Variants in SLC25A48 observed in about 807,000 individuals in gnomAD.
The protein encoded by SLC25A48 is CTC-321K16.1.
In SLC25A48, 29 loss-of-function variants were observed where a neutral mutation model predicts 32.2. That is an observed-to-expected ratio of 0.90 (90% confidence interval 0.67 to 1.23). The LOEUF (loss-of-function observed/expected upper bound fraction) is 1.23. SLC25A48 is among the 50% of genes most tolerant of loss of function. The pLI is 0.00. For synonymous variants in SLC25A48, 164 were observed against 172.3 expected (o/e 0.95, Z 0.38); for missense variants, 399 against 422.7 (o/e 0.94, Z 0.49).
At chr5:135,600,515 C>A (rs1751770140) in intron 1 of SLC25A48, among the ~76,000 whole-genome samples, 1 of 152,184 alleles carries the variant, frequency 6.6e-6, no homozygotes, top group African/African-American at 2.4e-5. Context: ...GACTAACCTT[C>A]CTCGGGCTCC....
At chr5:135,784,183 T>C (rs1756783993) in intron 3 of SLC25A48, among the ~76,000 whole-genome samples, 1 of 115,476 alleles carries the variant, frequency 8.7e-6, no homozygotes, top group Non-Finnish European at 2.1e-5. Context: ...AATATTGCAA[T>C]AAGCGTACAC....
chr5:135,872,563 A>T (rs1761738670), intron 5 of SLC25A48: 1 of 152,276 alleles, frequency 6.6e-6, no homozygotes, highest in African/African-American at 2.4e-5. Flanking sequence ...AGTGGGATAA[A>T]GAAAGAATGG....
intron 4 of SLC25A48, among the ~76,000 whole-genome samples, chr5:135,825,314 G>A: frequency 6.6e-6 from 1 of 152,286 alleles, no homozygotes; most frequent in East Asian, 1.9e-4. Context: ...TTGGCCAAGG[G>A]CACATAGCTA....
chr5:135,864,268 G>A (rs929621408), intron 4 of SLC25A48, among the ~76,000 whole-genome samples: 20 of 152,148 alleles, frequency 1.3e-4, no homozygotes, highest in African/African-American at 4.8e-4. Context: ...TACCTCTGAG[G>A]CCCTGAGTGC....
Position 135,871,479 on chromosome 5 carries a change from C to T in SLC25A48, c.440C>T (p.Ser147Phe), listed in dbSNP as rs914709129. ...PFRDANLGLK[S>F]RAVAPAEQPA... ...TTTGCAGCCAACCTCGGTTTGAAGT[C>T]CAGGGCAGTGGCTCCTGCGGAGCAG... Residue 147 changes from serine (S) to phenylalanine (F), a missense_variant, in exon 5 of 8, where the codon TCC becomes TTC. By Grantham distance (155) the Ser-to-Phe change is radical. Transcript: ENST00000681962. 8 of 1,597,656 alleles carry T rather than the reference C, an allele frequency of 5.0e-6. No individual in the cohort carries two copies. Among genetic ancestry groups the T allele is most frequent in the Admixed American group, 3.4e-5 (2 of 59,420 alleles).
chr5:135,880,668 C>A (rs1257964462), intron 7 of SLC25A48, among the ~76,000 whole-genome samples: 1 of 152,120 alleles, frequency 6.6e-6, no homozygotes, highest in Non-Finnish European at 1.5e-5. Context: ...GCTCACATGC[C>A]CTCCTTGGCT....
At chr5:135,739,983 C>T (rs1357378840) in intron 3 of SLC25A48, among the ~76,000 whole-genome samples, 1 of 152,042 alleles carries the variant, frequency 6.6e-6, no homozygotes, top group African/African-American at 2.4e-5. Context: ...AGATGAAAGC[C>T]CATCCCCAGT....
At chr5:135,600,013 C>G (rs112767315) in intron 1 of SLC25A48, among the ~76,000 whole-genome samples, 8 of 152,194 alleles carry the variant, frequency 5.3e-5, no homozygotes, top group Non-Finnish European at 4.4e-5. Flanking sequence ...ATACTCCCCC[C>G]TCCCTTGGCC....
At chr5:135,800,490 G>A (rs1757293699) in intron 3 of SLC25A48, among the ~76,000 whole-genome samples, 1 of 151,768 alleles carries the variant, frequency 6.6e-6, no homozygotes, top group Admixed American at 6.6e-5. Flanking sequence ...GGGGAAGAGA[G>A]GATGACATGA....
intron 2 of SLC25A48, among the ~76,000 whole-genome samples, chr5:135,843,076 G>T (rs554898196): frequency 1.3e-5 from 2 of 152,314 alleles, no homozygotes; most frequent in South Asian, 2.1e-4. Flanking sequence ...GTATGAAAAT[G>T]GACCCTCTCC....
intron 3 of SLC25A48, among the ~76,000 whole-genome samples, chr5:135,776,045 G>A (rs1014808563): frequency 6.6e-6 from 1 of 151,712 alleles, no homozygotes; most frequent in Admixed American, 6.6e-5. Context: ...ATATCAAGAA[G>A]AGGAAAGAAG....
At chr5:135,865,825 C>T (rs139697795) in intron 4 of SLC25A48, among the ~76,000 whole-genome samples, 7 of 152,186 alleles carry the variant, frequency 4.6e-5, no homozygotes, top group Non-Finnish European at 7.3e-5. Flanking sequence ...ACCCATCGAA[C>T]AGCAGCTGTA....
chr5:135,791,629 T>C (rs1332396854), intron 3 of SLC25A48, among the ~76,000 whole-genome samples: 1 of 151,712 alleles, frequency 6.6e-6, no homozygotes, highest in African/African-American at 2.4e-5. Flanking sequence ...TTACTCCTAA[T>C]GTCACAGAGG....
intron 3 of SLC25A48, among the ~76,000 whole-genome samples, chr5:135,683,036 A>C (rs1454540295): frequency 6.6e-6 from 1 of 152,206 alleles, no homozygotes; most frequent in Non-Finnish European, 1.5e-5. Context: ...TCTGAATCCC[A>C]CTGGAGAAGC....
At chr5:135,862,780 C>T (rs977444631) in intron 4 of SLC25A48, among the ~76,000 whole-genome samples, 2 of 152,116 alleles carry the variant, frequency 1.3e-5, no homozygotes, top group African/African-American at 2.4e-5. Context: ...AATGTAGGCA[C>T]ATGGTGGGAC....
intron 3 of SLC25A48, among the ~76,000 whole-genome samples, chr5:135,751,553 G>T (rs1028142137): frequency 3.3e-5 from 5 of 152,182 alleles, no homozygotes; most frequent in African/African-American, 1.2e-4. Context: ...AGTCACACAG[G>T]TCAGGTGCAG....
At position 135,617,499 on chromosome 5, in the gene SLC25A48, C is replaced by G. The variant is rs375996412; in HGVS notation, c.-848-11738C>G. Among the ~76,000 whole-genome samples the G allele has an allele frequency of 1.8e-4, 27 of 151,638 alleles. 1 individual carries two copies. The highest frequency in any genetic ancestry group is 6.3e-4 in the African/African-American group (26 of 41,350). ...TTATTTCTTTTCTTCTACTAATTCT[C>G]GGTTTGGTTTTATCTTCCATTTTTG... is the stretch of plus-strand genomic sequence containing the variant. On this transcript the variant is annotated intron_variant, in intron 1 of 10. Coordinates refer to the SLC25A48 transcript ENST00000646290.
chr5:135,764,493 C>A (rs868525119), intron 3 of SLC25A48, among the ~76,000 whole-genome samples: 1 of 150,824 alleles, frequency 6.6e-6, no homozygotes, highest in African/African-American at 2.4e-5. Flanking sequence ...CATGATTCTC[C>A]AGCAGGTGAG....
chr5:135,877,639 A>C (rs1332539104), intron 6 of SLC25A48, among the ~76,000 whole-genome samples: 1 of 152,208 alleles, frequency 6.6e-6, no homozygotes, highest in Non-Finnish European at 1.5e-5. Flanking sequence ...CTGGGGTCTC[A>C]GAGGCAAACC....
Sources: allele counts gnomAD v4.1 joint callset (sites outside exome capture counted in the v4.1 genomes callset), GRCh38; gene constraint gnomAD v4.1.1; transcripts MANE v1.5; gene names NCBI Gene and HGNC (gene_info 2026-07-23, HGNC 2026-07-21).